The following SEC63 variants were observed in gnomAD, a reference collection of about 807,000 sequenced individuals.
The protein encoded by SEC63 is translocation protein SEC63 homolog.
Under a neutral mutation model 116.2 loss-of-function variants are expected in SEC63, and 56 were observed. The ratio of observed to expected loss-of-function variants is 0.48; its 90% confidence interval spans 0.39 to 0.60. SEC63 has a LOEUF of 0.60. SEC63 is among the 20% of genes least tolerant of loss of function. SEC63 has a pLI of 0.00. For missense variants in SEC63, 668 were observed against 900.0 expected (o/e 0.74, Z 3.30); for synonymous variants, 273 against 294.6 (o/e 0.93, Z 0.75).
chr6:107,868,423 T>TA lies in SEC63; in HGVS notation c.*3280dup, dbSNP rs1786049612. 6.6e-6 allele frequency: 1 copy of TA among 151,526 alleles called. No individual in the cohort carries two copies. The highest frequency in any genetic ancestry group is 2.4e-5 in the African/African-American group (1 of 41,236). 9.4% of individuals were successfully genotyped at this position (151,526 alleles called of 1,614,324 possible). A position where few individuals can be genotyped will look rare whatever the true frequency, so the allele number is the denominator to read the frequency against. ...GCAAAATCCCATCTCTACTAAAAAT[T>TA]AAAAAATTAGCTGGGTGTGGTGGCA... On this transcript the variant is annotated 3_prime_UTR_variant, in exon 21 of 21. Coordinates refer to ENST00000369002, the MANE Select transcript of SEC63 (RefSeq NM_007214.5).
intron 1 of SEC63, among the ~76,000 whole-genome samples, chr6:107,935,719 T>C (rs1364282782): frequency 1.3e-5 from 2 of 151,224 alleles, no homozygotes; most frequent in Admixed American, 6.6e-5. Context: ...TCTGCTGACC[T>C]TCCCTCCACT....
intron 1 of SEC63, among the ~76,000 whole-genome samples, chr6:107,953,810 C>T (rs7775283): frequency 2.2e-5 from 1 of 45,944 alleles, no homozygotes; most frequent in Admixed American, 2.4e-4. Flanking sequence ...GTGAGCCCCC[C>T]GCCCGGCCAG....
At chr6:107,886,033 G>A (rs189967420) in intron 16 of SEC63, among the ~76,000 whole-genome samples, 206 of 152,086 alleles carry the variant, frequency 1.4e-3, no homozygotes, top group African/African-American at 4.7e-3. Flanking sequence ...GACATGCCCC[G>A]GTGTGTGATG....
chr6:107,916,809 G>T (rs1246138272), intron 4 of SEC63, among the ~76,000 whole-genome samples: 1 of 152,180 alleles, frequency 6.6e-6, no homozygotes, highest in African/African-American at 2.4e-5. Context: ...TAATACATAT[G>T]TGTTTCAAAT....
chr6:107,905,239 A>G (rs1188053092), intron 10 of SEC63, among the ~76,000 whole-genome samples: 1 of 152,212 alleles, frequency 6.6e-6, no homozygotes, highest in East Asian at 1.9e-4. Flanking sequence ...GGTAAGTAAA[A>G]ATGGAGATGC....
chr6:107,935,859 T>C (rs995710435), intron 1 of SEC63, among the ~76,000 whole-genome samples: 1 of 152,178 alleles, frequency 6.6e-6, no homozygotes, highest in Non-Finnish European at 1.5e-5. Flanking sequence ...CTAAATTGGA[T>C]ATTTTGCTAT....
At chr6:107,901,568 T>G (rs758196405) in intron 12 of SEC63, 51 bp from the exon 13 acceptor site, 10 of 1,355,128 alleles carry the variant, frequency 7.4e-6, no homozygotes, top group African/African-American at 1.5e-5. Context: ...CACAAAGCTT[T>G]TCATAAAAAG....
rs762152083 is a variant in SEC63 at position 107,924,949 on chromosome 6, TA to T, written c.225-18del. The T allele has an allele frequency of 7.2e-7, 1 of 1,383,926 alleles. No homozygotes were observed. The highest frequency in any genetic ancestry group is 1.7e-5 in the Admixed American group (1 of 59,766). The allele number at this position is 1,383,926 out of a possible 1,614,324, so 85.7% of individuals were successfully genotyped here. On this transcript the variant is annotated intron_variant, in intron 2 of 20. Transcript: ENST00000369002. ...ACTATTTTCCTGTTTAGGAAAAAGG[TA>T]AGTGAATCATAAACAAATACATCTG...
At chr6:107,896,599 T>C (rs1374805219) in intron 14 of SEC63, among the ~76,000 whole-genome samples, 2 of 152,140 alleles carry the variant, frequency 1.3e-5, no homozygotes, top group African/African-American at 4.8e-5. Flanking sequence ...ATGGTAAATA[T>C]GAGCATGGAG....
intron 1 of SEC63, among the ~76,000 whole-genome samples, chr6:107,941,521 AG>A (rs1204983780): frequency 6.6e-6 from 1 of 152,018 alleles, no homozygotes; most frequent in Non-Finnish European, 1.5e-5. Flanking sequence ...AAAAGGAAGA[AG>A]GAAAAAGAAA....
chr6:107,896,189 C>T (rs763613430), intron 14 of SEC63, among the ~76,000 whole-genome samples: 6 of 151,912 alleles, frequency 3.9e-5, no homozygotes, highest in East Asian at 1.9e-4. Context: ...ATAGGCTGGG[C>T]GCAGTTGCTC....
In SEC63 at chr6:107,902,876, C is replaced by T. The variant is rs1269765815; in HGVS notation, c.1177G>A (p.Asp393Asn). Residue 393 changes from aspartate (D) to asparagine (N), a missense_variant, in exon 12 of 21, where the codon GAC (aspartate) becomes AAC (asparagine). Around this residue, in one of 5 missense-constraint regions of SEC63, gnomAD observed 430 missense variants for 557.5 expected, o/e 0.77. Coordinates refer to ENST00000369002, the MANE Select transcript of SEC63 (RefSeq NM_007214.5). ...PLLQLPHIEE[D>N]NLRRVSNHKK... Reference sequence around the variant, plus strand: ...TGATTAGAAACCCGTCTAAGATTGTCCTCTTCAATATGAGGGAGCTGCAGA... The same window carrying T: ...TGATTAGAAACCCGTCTAAGATTGTTCTCTTCAATATGAGGGAGCTGCAGA... 1 of 1,614,020 alleles carries T rather than the reference C, an allele frequency of 6.2e-7. No individual in the cohort carries two copies. Among genetic ancestry groups the T allele is most frequent in the East Asian group, 2.2e-5 (1 of 44,860 alleles).
rs1160234553 is a variant in SEC63, at chr6:107,908,933, T to C, written c.727A>G (p.Met243Val). ...TTACTTAAAGTTTACTTACGTTTCA[T>C]ATCCATATTTCGGGTTTTATAAACA... ...YFVYKTRNMD[M>V]KRLIMVLAGA... Residue 243 changes from methionine (M) to valine (V), a missense_variant, in exon 8 of 21, where the codon ATG becomes GTG. Met to Val is a conservative substitution (Grantham distance 21). Coordinates refer to ENST00000369002, the MANE Select transcript of SEC63 (RefSeq NM_007214.5). 5.7e-6 allele frequency: 9 copies of C among 1,586,696 alleles called. No individual in the cohort carries two copies. Among genetic ancestry groups the C allele is most frequent in the Non-Finnish European group, 7.8e-6 (9 of 1,155,500 alleles).
At chr6:107,877,933 C>G (rs771148267) in intron 18 of SEC63, among the ~76,000 whole-genome samples, 4 of 152,114 alleles carry the variant, frequency 2.6e-5, no homozygotes, top group Non-Finnish European at 5.9e-5. Flanking sequence ...ATGAGTGGCA[C>G]TTAACAAGAA....
rs767083995 is a variant in SEC63 at position 107,882,965 on chromosome 6, TTATTTAAAC to T, written c.1833+14_1833+22del. The T allele has an allele frequency of 6.9e-7, 1 of 1,455,768 alleles. No homozygotes were observed. Among genetic ancestry groups the T allele is most frequent in the African/African-American group, 1.4e-5 (1 of 71,834 alleles). 90.2% of individuals were successfully genotyped at this position (1,455,768 alleles called of 1,614,324 possible). On this transcript the variant is annotated intron_variant, in intron 17 of 20. Transcript: ENST00000369002. The stretch of plus-strand genomic sequence containing the variant: ...AGAGATATAATTCCAATTATTTAAA[TTATTTAAAC>T]CTATAAGGCTTACTGCTTCATCATC...
intron 1 of SEC63, among the ~76,000 whole-genome samples, chr6:107,936,936 T>C (rs987882949): frequency 3.3e-5 from 5 of 152,218 alleles, no homozygotes; most frequent in Admixed American, 2.6e-4. Context: ...TGTCAATTGT[T>C]GCCATCACTA....
At position 107,871,447 on chromosome 6, in the gene SEC63, T is replaced by C. The variant is rs148053936; in HGVS notation, c.*257A>G. ...AGCCCACACTTCTGGACAGTTATAA[T>C]AACAAAGGATTTATTATCATTTGCA... On this transcript the variant is annotated 3_prime_UTR_variant, in exon 21 of 21. Coordinates refer to ENST00000369002, the MANE Select transcript of SEC63 (RefSeq NM_007214.5). 153 of 482,962 alleles carry C rather than the reference T, an allele frequency of 3.2e-4. 4 individuals carry two copies. Among genetic ancestry groups the C allele is most frequent in the East Asian group, 2.7e-3 (66 of 24,304 alleles). 29.9% of individuals were successfully genotyped at this position (482,962 alleles called of 1,614,324 possible). A position where few individuals can be genotyped will look rare whatever the true frequency, so the allele number is the denominator to read the frequency against.
Position 107,893,107 on chromosome 6 carries a change from TACACACACACACACACACACAC to T in SEC63, c.1674+353_1674+374del, listed in dbSNP as rs55814816. Among the ~76,000 whole-genome samples, 432 of 145,916 alleles carry T rather than the reference TACACACACACACACACACACAC, an allele frequency of 3.0e-3. 1 individual carries two copies. The highest frequency in any genetic ancestry group is 9.5e-3 in the African/African-American group (375 of 39,668). On this transcript the variant is annotated intron_variant, in intron 16 of 20. Coordinates refer to ENST00000369002, the MANE Select transcript of SEC63 (RefSeq NM_007214.5). ...GGTATATTCATACAATGAAATACTA[TACACACACACACACACACACAC>T]ACACACACACACACACACACACACA...
intron 19 of SEC63, among the ~76,000 whole-genome samples, chr6:107,873,967 A>C (rs773270009): frequency 7.2e-5 from 11 of 152,222 alleles, no homozygotes; most frequent in African/African-American, 7.2e-5. Context: ...AAGAATCATC[A>C]ACATATGTTT....
Sources: allele counts gnomAD v4.1 joint callset (sites outside exome capture counted in the v4.1 genomes callset), GRCh38; gene constraint gnomAD v4.1.1; regional missense constraint gnomAD v4.1.1; transcripts MANE v1.5; gene names NCBI Gene and HGNC (gene_info 2026-07-23, HGNC 2026-07-21).